SKAP1: variants seen among roughly 807,000 people sequenced by gnomAD.
SKAP1 encodes src kinase associated phosphoprotein 1.
SKAP1 carries 44 observed loss-of-function variants against 58.5 expected under a neutral mutation model. The ratio of observed to expected loss-of-function variants is 0.75; its 90% CI spans 0.59 to 0.97. The LOEUF (loss-of-function observed/expected upper bound fraction) is 0.97, where lower values mean the gene tolerates loss of function less well. Among genes scored for constraint, SKAP1 ranks in the 50% least tolerant of loss-of-function variants. SKAP1 has a pLI of 0.00. For synonymous variants in SKAP1, 127 were observed against 149.7 expected (o/e 0.85, Z 1.11); for missense variants, 390 against 435.2 (o/e 0.90, Z 0.92).
chr17:48,358,368 A>G (rs1328547061), intron 3 of SKAP1, among the ~76,000 whole-genome samples: 2 of 152,064 alleles, frequency 1.3e-5, no homozygotes, highest in African/African-American at 4.8e-5. Context: ...TTTTTTTTAA[A>G]GTGTAAAGAT....
At chr17:48,287,313 A>G (rs1176774249) in intron 4 of SKAP1, among the ~76,000 whole-genome samples, 1 of 152,036 alleles carries the variant, frequency 6.6e-6, no homozygotes, top group Non-Finnish European at 1.5e-5. Context: ...AAAATGAAAA[A>G]TATATCTAAT....
intron 4 of SKAP1, among the ~76,000 whole-genome samples, chr17:48,190,060 T>G (rs1164480590): frequency 6.6e-6 from 1 of 151,948 alleles, no homozygotes; most frequent in Non-Finnish European, 1.5e-5. Flanking sequence ...TAAGGTGAGG[T>G]AGCGTAAATA....
At chr17:48,187,591 AATCATCAT>A (rs1261872167) in intron 6 of SKAP1, among the ~76,000 whole-genome samples, 2 of 152,198 alleles carry the variant, frequency 1.3e-5, no homozygotes, top group Non-Finnish European at 2.9e-5. Flanking sequence ...ATGTGTTGTT[AATCATCAT>A]AAAAGATAAC....
chr17:48,187,180 A>G (rs1182630314), intron 6 of SKAP1, among the ~76,000 whole-genome samples: 2 of 152,182 alleles, frequency 1.3e-5, no homozygotes, highest in Non-Finnish European at 2.9e-5. Context: ...TTCATAAACC[A>G]ATCAATTACA....
intron 11 of SKAP1, among the ~76,000 whole-genome samples, chr17:48,137,855 T>C (rs879023206): frequency 1.3e-5 from 2 of 152,198 alleles, no homozygotes; most frequent in Admixed American, 1.3e-4. Flanking sequence ...CCTCGCTTGG[T>C]CATTTAGTAG....
intron 9 of SKAP1, among the ~76,000 whole-genome samples, chr17:48,171,106 T>G (rs1260902968): frequency 1.4e-5 from 2 of 146,422 alleles, no homozygotes; most frequent in Admixed American, 6.8e-5. Context: ...TTTTTTTTTT[T>G]TTTTTTTTTT....
At chr17:48,258,635 T>G (rs1019072480) in intron 4 of SKAP1, among the ~76,000 whole-genome samples, 1 of 152,162 alleles carries the variant, frequency 6.6e-6, no homozygotes, top group African/African-American at 2.4e-5. Flanking sequence ...GAAATCAGAT[T>G]ACATTAGAAG....
intron 4 of SKAP1, among the ~76,000 whole-genome samples, chr17:48,190,391 C>T (rs1038535493): frequency 9.2e-5 from 14 of 152,070 alleles, no homozygotes; most frequent in African/African-American, 3.1e-4. Context: ...GGATTACAGG[C>T]GTGAGCCACT....
chr17:48,368,225 GGTCTTGTCTTGTTA>G (rs1324326840), intron 2 of SKAP1, among the ~76,000 whole-genome samples: 8 of 152,242 alleles, frequency 5.3e-5, no homozygotes, highest in African/African-American at 1.7e-4. Context: ...TTAAGATCTT[GGTCTTGTCTTGTTA>G]AAGATATTCC....
At chr17:48,171,472 T>G (rs2064215003) in intron 9 of SKAP1, among the ~76,000 whole-genome samples, 1 of 152,136 alleles carries the variant, frequency 6.6e-6, no homozygotes, top group African/African-American at 2.4e-5. Context: ...TCCCTTCCCT[T>G]TCATTTATTC....
intron 1 of SKAP1, among the ~76,000 whole-genome samples, chr17:48,403,343 G>T (rs553653755): frequency 1.1e-3 from 168 of 151,864 alleles, no homozygotes; most frequent in African/African-American, 3.8e-3. Flanking sequence ...ATTCCAGCTG[G>T]GTGACAGTGC....
intron 4 of SKAP1, among the ~76,000 whole-genome samples, chr17:48,201,962 T>C (rs564870523): frequency 2.0e-4 from 31 of 152,302 alleles, no homozygotes; most frequent in African/African-American, 7.0e-4. Flanking sequence ...AGAAATGGCA[T>C]TTTCCTTTTG....
chr17:48,416,491 C>T (rs1848336109), intron 1 of SKAP1, among the ~76,000 whole-genome samples: 1 of 152,140 alleles, frequency 6.6e-6, no homozygotes, highest in African/African-American at 2.4e-5. Context: ...TGTGTTATCC[C>T]CAGGACTTCC....
At chr17:48,383,263 T>C (rs899482881) in intron 2 of SKAP1, among the ~76,000 whole-genome samples, 1 of 152,170 alleles carries the variant, frequency 6.6e-6, no homozygotes, top group East Asian at 1.9e-4. Context: ...TTTGGAAAAG[T>C]AGTCTGACAA....
Position 48,237,360 on chromosome 17 carries a change from T to C in SKAP1, c.281-47860A>G, listed in dbSNP as rs144092109. Among the ~76,000 whole-genome samples the C allele has an allele frequency of 6.1e-3, 922 of 152,340 alleles. 7 individuals are homozygous for C. Among genetic ancestry groups the C allele is most frequent in the Non-Finnish European group, 0.011 (720 of 68,030 alleles). On this transcript the variant is annotated intron_variant, in intron 4 of 12. Transcript: ENST00000336915. ...TTCTTTTTTTGTTTGTGAAATCACG[T>C]AGCTAGAAGGTGGTAGTGATCTTAA...
At chr17:48,155,781 C>T (rs868676995) in intron 11 of SKAP1, among the ~76,000 whole-genome samples, 6 of 152,156 alleles carry the variant, frequency 3.9e-5, no homozygotes, top group African/African-American at 1.4e-4. Flanking sequence ...CGCTTGAACC[C>T]GGGAGGCAGA....
intron 11 of SKAP1, among the ~76,000 whole-genome samples, chr17:48,146,201 A>G (rs1021842084): frequency 5.9e-5 from 9 of 152,220 alleles, no homozygotes; most frequent in South Asian, 2.1e-4. Flanking sequence ...AAAAAATACA[A>G]TGAAGGAGAG....
chr17:48,314,653 A>T (rs2066266326), intron 4 of SKAP1, among the ~76,000 whole-genome samples: 1 of 152,210 alleles, frequency 6.6e-6, no homozygotes, highest in Admixed American at 6.5e-5. Context: ...GACATAACAA[A>T]ATAGGCTGGA....
At chr17:48,306,828 C>A (rs912497872) in intron 4 of SKAP1, among the ~76,000 whole-genome samples, 2 of 152,176 alleles carry the variant, frequency 1.3e-5, no homozygotes, top group Non-Finnish European at 2.9e-5. Flanking sequence ...AAAGTACCTT[C>A]ATTAAAATGG....
Sources: gnomAD v4.1 joint callset for allele counts (sites outside exome capture counted in the v4.1 genomes callset) on GRCh38, gnomAD v4.1.1 for gene constraint, MANE v1.5 for transcripts, NCBI Gene and HGNC (gene_info 2026-07-23, HGNC 2026-07-21) for gene names.